Variants in NDUFAF5 observed in about 807,000 individuals in gnomAD.
The protein encoded by NDUFAF5 is NADH:ubiquinone oxidoreductase complex assembly factor 5, also known as arginine-hydroxylase NDUFAF5, mitochondrial.
A neutral mutation model predicts 48.9 loss-of-function variants in NDUFAF5; 34 were observed. That is an observed-to-expected ratio of 0.70 (90% CI 0.53 to 0.93). The LOEUF (loss-of-function observed/expected upper bound fraction) is 0.93. NDUFAF5 is among the 40% of genes least tolerant of loss of function. NDUFAF5 has a pLI of 0.00. For missense variants in NDUFAF5, 428 were observed against 427.5 expected, an observed-to-expected ratio of 1.00 and a Z score of -0.01; for synonymous variants, 153 against 150.6, an observed-to-expected ratio of 1.02 and a Z score of -0.12.
intron 8 of NDUFAF5, among the ~76,000 whole-genome samples, chr20:13,811,522 G>T (rs1362520624): frequency 6.6e-6 from 1 of 152,058 alleles, no homozygotes; most frequent in Non-Finnish European, 1.5e-5. Flanking sequence ...TGAATGAGGG[G>T]AGTGACTAGC....
At chr20:13,808,416 A>G (rs1734255808) in intron 7 of NDUFAF5, among the ~76,000 whole-genome samples, 1 of 152,158 alleles carries the variant, frequency 6.6e-6, no homozygotes, top group Admixed American at 6.6e-5. Flanking sequence ...TACTAGATAT[A>G]GAATGAAATA....
At chr20:13,789,356 G>T (rs1981838107) in intron 3 of NDUFAF5, among the ~76,000 whole-genome samples, 2 of 152,038 alleles carry the variant, frequency 1.3e-5, no homozygotes, top group Admixed American at 1.3e-4. Context: ...GTAGAGATGG[G>T]GTTTCACCAT....
intron 3 of NDUFAF5, 61 bp from the exon 4 acceptor site, chr20:13,793,119 A>G (rs781198104): frequency 6.4e-7 from 1 of 1,571,744 alleles, no homozygotes; most frequent in Non-Finnish European, 8.8e-7. Flanking sequence ...TTACCTTTAG[A>G]AATGTCAGCA....
Position 13,817,901 on chromosome 20 carries a change from T to A in NDUFAF5, c.*691T>A. The A allele has an allele frequency of 2.2e-6, 1 of 454,072 alleles. No individual in the cohort carries two copies. The highest frequency in any genetic ancestry group is 4.4e-6 in the Non-Finnish European group (1 of 226,772). 28.1% of individuals were successfully genotyped at this position (454,072 alleles called of 1,614,324 possible). A position where few individuals can be genotyped will look rare whatever the true frequency, so the allele number is the denominator to read the frequency against. ...ACAGTCCTGTTGTTGTCGAGGAGGG[T>A]TCAAAATCATTTGGAGATAATCAAG... On this transcript the variant is annotated 3_prime_UTR_variant, in exon 11 of 11. Coordinates refer to ENST00000378106, the MANE Select transcript of NDUFAF5 (RefSeq NM_024120.5).
rs1986967638 is a variant in NDUFAF5 at position 13,821,317 on chromosome 20, T to G, written c.*4107T>G. ...CCTTACTCTCTCTTGGATCCTTCAC[T>G]CTAGGGAAAGCCAGCAGCCATATTG... is the stretch of plus-strand genomic sequence containing the variant. On this transcript the variant is annotated 3_prime_UTR_variant, in exon 11 of 11. Coordinates refer to ENST00000378106, the MANE Select transcript of NDUFAF5 (RefSeq NM_024120.5). 6.6e-6 allele frequency: 1 copy of G among 152,236 alleles called. No homozygotes were observed. The highest frequency in any genetic ancestry group is 1.5e-5 in the Non-Finnish European group (1 of 68,054). 9.4% of individuals were successfully genotyped at this position (152,236 alleles called of 1,614,324 possible). A position where few individuals can be genotyped will look rare whatever the true frequency, so the allele number is the denominator to read the frequency against.
chr20:13,788,596 C>T lies in NDUFAF5; in HGVS notation c.271C>T (p.Pro91Ser), dbSNP rs141840218. The change falls in exon 3 of 11, where the codon CCC becomes TCC. Residue 91 changes from proline to serine, a missense_variant. Transcript: ENST00000378106. ...DRVYDIPRNF[P>S]LALDLGCGRG... Reference sequence around the variant, plus strand: ...CTGTGTCTTTTTTTTTAGAAATTTCCCCCTTGCTTTGGATCTTGGTTGTGG... The same window carrying T: ...CTGTGTCTTTTTTTTTAGAAATTTCTCCCTTGCTTTGGATCTTGGTTGTGG... The T allele has an allele frequency of 1.4e-5, 23 of 1,611,010 alleles. No individual in the cohort carries two copies. In the African/African-American group the frequency reaches 2.8e-4, roughly 20 times the overall value.
intron 5 of NDUFAF5, among the ~76,000 whole-genome samples, chr20:13,795,479 C>CT (rs1486249028): frequency 7.9e-5 from 12 of 152,104 alleles, no homozygotes; most frequent in Admixed American, 2.6e-4. Flanking sequence ...TCTGGACAAA[C>CT]TCATTCTGGA....
At chr20:13,788,979 CT>C (rs1981721675) in intron 3 of NDUFAF5, among the ~76,000 whole-genome samples, 1 of 151,974 alleles carries the variant, frequency 6.6e-6, no homozygotes, top group South Asian at 2.1e-4. Context: ...GAAAATGTGA[CT>C]TTTAGCTAGA....
intron 8 of NDUFAF5, among the ~76,000 whole-genome samples, chr20:13,815,139 G>A (rs558674050): frequency 1.6e-4 from 24 of 152,320 alleles, no homozygotes; most frequent in African/African-American, 5.5e-4. Context: ...TTCTACTGGT[G>A]TTGTCCATAA....
At chr20:13,803,467 CAA>C (rs1024311482) in intron 7 of NDUFAF5, 3 of 152,194 alleles carry the variant, frequency 2.0e-5, no homozygotes, top group Non-Finnish European at 4.4e-5. Flanking sequence ...ATAAGTAACA[CAA>C]ATATATTTTG....
At chr20:13,817,014 T>C in intron 10 of NDUFAF5, 57 bp downstream of exon 10, 5 of 1,545,404 alleles carry the variant, frequency 3.2e-6, no homozygotes, top group East Asian at 2.2e-5. Flanking sequence ...GATTATTGTT[T>C]ACTAACTTGG....
intron 6 of NDUFAF5, 25 bp downstream of exon 6, chr20:13,798,525 C>T: frequency 6.4e-7 from 1 of 1,558,190 alleles, no homozygotes; most frequent in Non-Finnish European, 8.9e-7. Flanking sequence ...GTTCATTCAA[C>T]TATCTTGTGT....
Position 13,817,259 on chromosome 20 carries a change from A to G in NDUFAF5, c.*49A>G. The G allele has an allele frequency of 7.7e-7, 1 of 1,296,704 alleles. No homozygotes were observed. Among genetic ancestry groups the G allele is most frequent in the Non-Finnish European group, 1.1e-6 (1 of 890,366 alleles). The allele number at this position is 1,296,704 out of a possible 1,614,324, so 80.3% of individuals were successfully genotyped here. A position where few individuals can be genotyped will look rare whatever the true frequency, so the allele number is the denominator to read the frequency against. ...TCCAGAATTTTCATCAGAAATGGAT[A>G]GCTTTAACATCTAAAATTATTATAT... On this transcript the variant is annotated 3_prime_UTR_variant, in exon 11 of 11. Transcript: ENST00000378106.
At chr20:13,791,633 G>T (rs775848575) in intron 3 of NDUFAF5, among the ~76,000 whole-genome samples, 3 of 152,348 alleles carry the variant, frequency 2.0e-5, no homozygotes, top group Admixed American at 6.5e-5. Flanking sequence ...ATGTGCTGAA[G>T]CCAGTTTAAA....
intron 3 of NDUFAF5, among the ~76,000 whole-genome samples, chr20:13,791,671 C>T (rs1329403228): frequency 1.3e-5 from 2 of 152,192 alleles, no homozygotes; most frequent in Non-Finnish European, 2.9e-5. Flanking sequence ...CAGAGAGGCT[C>T]TTATGTAACT....
At chr20:13,806,856 G>T (rs1985087656) in intron 7 of NDUFAF5, among the ~76,000 whole-genome samples, 1 of 152,210 alleles carries the variant, frequency 6.6e-6, no homozygotes, top group East Asian at 1.9e-4. Context: ...GGTATATATA[G>T]AGAGAGTGAT....
At chr20:13,800,493 G>T (rs1306721687) in intron 6 of NDUFAF5, among the ~76,000 whole-genome samples, 1 of 152,204 alleles carries the variant, frequency 6.6e-6, no homozygotes, top group African/African-American at 2.4e-5. Context: ...ACTAGTTACA[G>T]CTTGTAGTCT....
chr20:13,797,857 T>G (rs1983488335), intron 5 of NDUFAF5, among the ~76,000 whole-genome samples: 1 of 152,200 alleles, frequency 6.6e-6, no homozygotes, highest in Non-Finnish European at 1.5e-5. Context: ...AATCTCTGGG[T>G]TTTCCTCTTA....
At chr20:13,815,222 C>T (rs1236980197) in intron 8 of NDUFAF5, among the ~76,000 whole-genome samples, 1 of 152,200 alleles carries the variant, frequency 6.6e-6, no homozygotes, top group Non-Finnish European at 1.5e-5. Flanking sequence ...CCAACAGACT[C>T]TTCCAATGTG....
Sources: allele counts gnomAD v4.1 joint callset (sites outside exome capture counted in the v4.1 genomes callset), GRCh38; gene constraint gnomAD v4.1.1; transcripts MANE v1.5; gene names NCBI Gene and HGNC (gene_info 2026-07-23, HGNC 2026-07-21).